Variants in SLC36A1 observed in about 807,000 individuals in gnomAD.
The protein encoded by SLC36A1 is solute carrier family 36 member 1.
In SLC36A1, 30 loss-of-function variants were observed where a neutral mutation model predicts 47.5. The ratio of observed to expected loss-of-function variants is 0.63; its 90% CI spans 0.47 to 0.86. The LOEUF is 0.86. Among genes scored for constraint, SLC36A1 ranks in the 40% least tolerant of loss-of-function variants. SLC36A1 has a pLI of 0.00. For missense variants in SLC36A1, 517 were observed against 606.0 expected, an observed-to-expected ratio of 0.85 and a Z score of 1.54; for synonymous variants, 255 against 249.7, an observed-to-expected ratio of 1.02 and a Z score of -0.20.
chr5:151,465,581 T>C (rs896602395), intron 5 of SLC36A1, among the ~76,000 whole-genome samples: 1 of 152,180 alleles, frequency 6.6e-6, no homozygotes, highest in Non-Finnish European at 1.5e-5. Context: ...GCTTGTAGTC[T>C]GTGTAAGGAA....
the SLC36A1 span, chr5:151,534,363 G>A: frequency 6.8e-7 from 1 of 1,478,104 alleles, no homozygotes; most frequent in African/African-American, 1.4e-5. Context: ...TGCCCAAGGT[G>A]ACCCAGGAGA....
the SLC36A1 span, among the ~76,000 whole-genome samples, chr5:151,421,568 T>TTTTC: frequency 1.3e-5 from 2 of 149,932 alleles, no homozygotes; most frequent in Non-Finnish European, 1.5e-5. Flanking sequence ...TTCTTTTTCT[T>TTTTC]TTTCTTTCTT....
the SLC36A1 span, among the ~76,000 whole-genome samples, chr5:151,409,307 T>G: frequency 6.6e-6 from 1 of 151,362 alleles, no homozygotes; most frequent in Non-Finnish European, 1.5e-5. Flanking sequence ...CTGGTTGGGG[T>G]GGGGGGGATA....
chr5:151,525,733 C>T, the SLC36A1 span: 2 of 1,611,924 alleles, frequency 1.2e-6, no homozygotes, highest in South Asian at 1.1e-5. Flanking sequence ...TTACTGTCCC[C>T]ATGGTCACCA....
At chr5:151,455,885 C>T (rs1437512597) in intron 1 of SLC36A1, among the ~76,000 whole-genome samples, 1 of 152,126 alleles carries the variant, frequency 6.6e-6, no homozygotes, top group Non-Finnish European at 1.5e-5. Context: ...TATTGATGGG[C>T]TGTACATTGT....
chr5:151,446,633 A>T (rs1454736065), upstream of SLC36A1, among the ~76,000 whole-genome samples: 2 of 152,254 alleles, frequency 1.3e-5, no homozygotes, highest in African/African-American at 4.8e-5. Context: ...GGTCTGAAAG[A>T]ATATTAATAT....
the SLC36A1 span, among the ~76,000 whole-genome samples, chr5:151,415,087 G>A: frequency 6.6e-6 from 1 of 152,078 alleles, no homozygotes; most frequent in Admixed American, 6.5e-5. Context: ...TCTTGGAGAG[G>A]GAGGGACTCT....
chr5:151,488,255 G>A lies in SLC36A1; in HGVS notation c.*1G>A. ...CAATTCCACCTGTGCCTTCATATAG[G>A]GATCTGGGTTCGTCTCTGCAGCTGC... is the stretch of plus-strand genomic sequence containing the variant. On this transcript the variant is annotated 3_prime_UTR_variant, in exon 11 of 11. Coordinates refer to ENST00000243389, the MANE Select transcript of SLC36A1 (RefSeq NM_078483.4). 1 of 1,613,572 alleles carries A rather than the reference G, an allele frequency of 6.2e-7. No individual in the cohort carries two copies. The highest frequency in any genetic ancestry group is 8.5e-7 in the Non-Finnish European group (1 of 1,179,642).
chr5:151,507,347 G>A, the SLC36A1 span: 2 of 1,614,168 alleles, frequency 1.2e-6, no homozygotes, highest in South Asian at 2.2e-5. Flanking sequence ...TGCAGGAGCT[G>A]GCACTCAATG....
chr5:151,544,072 A>G, the SLC36A1 span: 4 of 1,614,220 alleles, frequency 2.5e-6, no homozygotes, highest in East Asian at 4.5e-5. Flanking sequence ...TCCTTTATCC[A>G]TGGCCCTGAC....
the SLC36A1 span, chr5:151,521,797 G>A: frequency 8.7e-6 from 14 of 1,614,076 alleles, no homozygotes; most frequent in Middle Eastern, 4.9e-4. Flanking sequence ...GACGTTGAAC[G>A]AGTAGTGGCC....
chr5:151,476,095 T>C (rs1758016829), intron 8 of SLC36A1, among the ~76,000 whole-genome samples: 1 of 152,272 alleles, frequency 6.6e-6, no homozygotes, highest in Non-Finnish European at 1.5e-5. Flanking sequence ...CACTGCAGTT[T>C]CTCTCACTTG....
the SLC36A1 span, chr5:151,554,470 G>A: frequency 6.2e-7 from 1 of 1,614,212 alleles, no homozygotes; most frequent in African/African-American, 1.3e-5. Context: ...TACTGTAGGT[G>A]ACTCTGCCAT....
the SLC36A1 span, chr5:151,505,391 A>G: frequency 3.4e-5 from 25 of 742,530 alleles, no homozygotes; most frequent in Non-Finnish European, 4.8e-5. Context: ...GCTTCCCTCC[A>G]CCCTCAGGGA....
At chr5:151,397,454 A>G in the SLC36A1 span, among the ~76,000 whole-genome samples, 1 of 152,214 alleles carries the variant, frequency 6.6e-6, no homozygotes, top group African/African-American at 2.4e-5. Flanking sequence ...CCCTTCTCAA[A>G]TATTCCCACA....
At chr5:151,396,071 A>G in the SLC36A1 span, among the ~76,000 whole-genome samples, 1 of 151,808 alleles carries the variant, frequency 6.6e-6, no homozygotes, top group Non-Finnish European at 1.5e-5. Context: ...TGGCCTCCCA[A>G]AGTGCTGGGA....
At chr5:151,531,957 C>T in the SLC36A1 span, 1 of 1,614,194 alleles carries the variant, frequency 6.2e-7, no homozygotes. This position sits in a 1 kb window ranked among gnomAD's most constrained non-coding sequence, Gnocchi z 5.7. Context: ...AGTAAACCAC[C>T]TGGGCATTGG....
At chr5:151,454,544 C>G (rs925820877) in intron 1 of SLC36A1, among the ~76,000 whole-genome samples, 4 of 152,084 alleles carry the variant, frequency 2.6e-5, no homozygotes, top group Non-Finnish European at 5.9e-5. Context: ...GATAAGGGAA[C>G]AGGCTTTCTC....
chr5:151,500,292 G>T, the SLC36A1 span, among the ~76,000 whole-genome samples: 1 of 152,118 alleles, frequency 6.6e-6, no homozygotes, highest in African/African-American at 2.4e-5. Flanking sequence ...ACATAAATTA[G>T]GGGTCCCTCA....
Sources: allele counts gnomAD v4.1 joint callset (sites outside exome capture counted in the v4.1 genomes callset), GRCh38; gene constraint gnomAD v4.1.1; non-coding constraint Gnocchi (gnomAD v3.1); transcripts MANE v1.5; gene names NCBI Gene and HGNC (gene_info 2026-07-23, HGNC 2026-07-21).